CADPS: variants seen among roughly 807,000 people sequenced by gnomAD.
CADPS encodes the protein calcium-dependent secretion activator 1.
A neutral mutation model predicts 167.3 loss-of-function variants in CADPS; 57 were observed. The ratio of observed to expected loss-of-function variants is 0.34; its 90% CI spans 0.28 to 0.42. CADPS has a LOEUF of 0.42. CADPS is among the 20% of genes least tolerant of loss of function. The pLI is 1.00. For synonymous variants in CADPS, 676 were observed against 635.3 expected (o/e 1.06, Z -0.96); for missense variants, 1,414 against 1,738.1 (o/e 0.81, Z 3.32).
intron 20 of CADPS, among the ~76,000 whole-genome samples, chr3:62,491,979 TA>T (rs2063823904): frequency 6.6e-6 from 1 of 152,150 alleles, no homozygotes; most frequent in African/African-American, 2.4e-5. Flanking sequence ...CATCTTTTGA[TA>T]AAAATTGCAA....
intron 18 of CADPS, among the ~76,000 whole-genome samples, chr3:62,496,751 C>A (rs896943360): frequency 2.6e-5 from 4 of 152,198 alleles, no homozygotes; most frequent in Non-Finnish European, 4.4e-5. Context: ...AACTCCTGGA[C>A]ACCCTGCGTT....
rs986314524 is a variant in CADPS at position 62,820,556 on chromosome 3, C to T, written c.441+54033G>A. Among the ~76,000 whole-genome samples the T allele has an allele frequency of 4.6e-5, 7 of 152,164 alleles. No individual in the cohort carries two copies. The East Asian group carries it at 1.2e-3, about 25-fold the overall frequency. Reference sequence around the variant, plus strand: ...AACCTCTCTTACTGAAATATGAGCTCGGTAAGGACAAGGAAGAAGTTGCAG... The same window carrying T: ...AACCTCTCTTACTGAAATATGAGCTTGGTAAGGACAAGGAAGAAGTTGCAG... On this transcript the variant is annotated intron_variant, in intron 1 of 29. Coordinates refer to ENST00000383710, the MANE Select transcript of CADPS (RefSeq NM_003716.4).
intron 3 of CADPS, among the ~76,000 whole-genome samples, chr3:62,726,082 C>A (rs1218105953): frequency 6.6e-6 from 1 of 151,500 alleles, no homozygotes; most frequent in Non-Finnish European, 1.5e-5. Flanking sequence ...AAAGGCAGAG[C>A]ATAGAAGGAA....
At chr3:62,570,588 T>G (rs188337064) in intron 9 of CADPS, among the ~76,000 whole-genome samples, 2 of 152,304 alleles carry the variant, frequency 1.3e-5, no homozygotes, top group Admixed American at 6.5e-5. Flanking sequence ...CCGACTTATC[T>G]CACATACTAC....
chr3:62,592,721 T>C lies in CADPS; in HGVS notation c.1353A>G (p.Thr451=). ...CCTTCACAGCTGGCAGTGCATGGGT[T>C]GTGGAGAAGTCACCCTGGGTGCCCC... ...PTWGTQGDFS[T]THALPAVKVK... Residue 451 remains threonine (T), a synonymous_variant, in exon 7 of 30, where the codon ACA becomes ACG. Coordinates refer to ENST00000383710, the MANE Select transcript of CADPS (RefSeq NM_003716.4). 1.9e-6 allele frequency: 3 copies of C among 1,614,116 alleles called. No individual in the cohort carries two copies. The highest frequency in any genetic ancestry group is 2.5e-6 in the Non-Finnish European group (3 of 1,179,962).
chr3:62,494,175 T>C (rs1001154571), intron 18 of CADPS, among the ~76,000 whole-genome samples: 14 of 152,176 alleles, frequency 9.2e-5, no homozygotes, highest in African/African-American at 3.4e-4. Context: ...CAGATTCCAA[T>C]ATTTGGGTCT....
At chr3:62,722,421 C>T (rs890703137) in intron 3 of CADPS, among the ~76,000 whole-genome samples, 1 of 152,194 alleles carries the variant, frequency 6.6e-6, no homozygotes, top group Non-Finnish European at 1.5e-5. Context: ...GCTTCATAAA[C>T]AAGGATATAA....
intron 6 of CADPS, among the ~76,000 whole-genome samples, chr3:62,621,813 T>C (rs1255462648): frequency 6.6e-6 from 1 of 151,784 alleles, no homozygotes; most frequent in Non-Finnish European, 1.5e-5. Context: ...ATCATTTAGC[T>C]CCCACTTACA....
intron 1 of CADPS, among the ~76,000 whole-genome samples, chr3:62,820,148 C>G (rs1050736242): frequency 6.6e-6 from 1 of 152,108 alleles, no homozygotes; most frequent in African/African-American, 2.4e-5. Flanking sequence ...CCTGAACAAG[C>G]CATAATTTCA....
intron 1 of CADPS, among the ~76,000 whole-genome samples, chr3:62,799,242 A>G (rs2093626412): frequency 6.6e-6 from 1 of 152,090 alleles, no homozygotes; most frequent in African/African-American, 2.4e-5. Flanking sequence ...TTAAGACCCA[A>G]ATGAGGGGGT....
chr3:62,517,784 C>T (rs1175852890), intron 14 of CADPS, among the ~76,000 whole-genome samples: 9 of 152,132 alleles, frequency 5.9e-5, no homozygotes, highest in African/African-American at 1.4e-4. Context: ...TGGAGACTCT[C>T]CTAGGAGTAT....
intron 3 of CADPS, among the ~76,000 whole-genome samples, chr3:62,663,557 A>C (rs2073787861): frequency 6.6e-6 from 1 of 151,290 alleles, no homozygotes; most frequent in Middle Eastern, 3.4e-3. Context: ...TGAGTTTTCT[A>C]AGTCCCTTTC....
intron 1 of CADPS, among the ~76,000 whole-genome samples, chr3:62,873,617 C>CT (rs3047307): frequency 0.031 from 4,045 of 132,280 alleles, 138 homozygotes; most frequent in African/African-American, 0.069. Flanking sequence ...AAATAGGCGC[C>CT]TTTTTTTTTT....
chr3:62,757,120 G>A (rs1034445505), intron 2 of CADPS, among the ~76,000 whole-genome samples: 9 of 152,260 alleles, frequency 5.9e-5, no homozygotes, highest in Middle Eastern at 3.4e-3. Flanking sequence ...TGGCAGTGGG[G>A]ACACTAAGGG....
chr3:62,608,400 A>T (rs2061001605), intron 6 of CADPS, among the ~76,000 whole-genome samples: 1 of 151,574 alleles, frequency 6.6e-6, no homozygotes, highest in Non-Finnish European at 1.5e-5. Context: ...CTCTCACCTC[A>T]AACTCCTGAG....
chr3:62,557,283 G>A (rs564145741), intron 10 of CADPS, 122 bp downstream of exon 10: 42 of 726,426 alleles, frequency 5.8e-5, no homozygotes, highest in South Asian at 4.1e-4. Context: ...GCACACAGCT[G>A]AAACCCTTAG....
chr3:62,493,289 A>G (rs952238740), intron 19 of CADPS, among the ~76,000 whole-genome samples: 8 of 152,134 alleles, frequency 5.3e-5, no homozygotes, highest in African/African-American at 9.7e-5. Context: ...TTGACTAATC[A>G]TTTCTGGCAG....
chr3:62,756,725 T>C (rs2084009220), intron 2 of CADPS, among the ~76,000 whole-genome samples: 1 of 152,118 alleles, frequency 6.6e-6, no homozygotes, highest in South Asian at 2.1e-4. Context: ...GCATGAAAGA[T>C]GGATAGGTGA....
At chr3:62,448,207 G>A (rs757983763) in intron 26 of CADPS, among the ~76,000 whole-genome samples, 5 of 152,154 alleles carry the variant, frequency 3.3e-5, no homozygotes, top group Non-Finnish European at 7.3e-5. Context: ...GGTGCTAGCA[G>A]AACAATTCTT....
Sources: allele counts gnomAD v4.1 joint callset (sites outside exome capture counted in the v4.1 genomes callset), GRCh38; gene constraint gnomAD v4.1.1; transcripts MANE v1.5; gene names NCBI Gene and HGNC (gene_info 2026-07-23, HGNC 2026-07-21).